KRCC1: variants seen among roughly 807,000 people sequenced by gnomAD.
The protein encoded by KRCC1 is lysine-rich coiled-coil protein 1.
KRCC1 carries 3 observed loss-of-function variants against 7.4 expected under a neutral mutation model. That is an observed-to-expected ratio of 0.40 (90% CI 0.18 to 1.04). The LOEUF is 1.04. KRCC1 is among the 50% of genes least tolerant of loss of function. The pLI is 0.33. For synonymous variants in KRCC1, 102 were observed against 101.6 expected, an observed-to-expected ratio of 1.00 and a Z score of -0.02; for missense variants, 277 against 300.9, an observed-to-expected ratio of 0.92 and a Z score of 0.59.
intron 1 of KRCC1, among the ~76,000 whole-genome samples, chr2:88,046,325 A>G (rs1261284252): frequency 6.6e-6 from 1 of 152,240 alleles, no homozygotes. Context: ...AAATAGAGAC[A>G]TAACATATAC....
chr2:88,029,298 A>G (rs1036120431), intron 3 of KRCC1, among the ~76,000 whole-genome samples: 2 of 152,216 alleles, frequency 1.3e-5, no homozygotes, highest in African/African-American at 4.8e-5. Context: ...AGAGAAGTAA[A>G]GGAACCACAG....
chr2:88,050,922 T>A (rs1055625400), intron 1 of KRCC1, among the ~76,000 whole-genome samples: 3 of 104,872 alleles, frequency 2.9e-5, no homozygotes, highest in African/African-American at 1.0e-4. Flanking sequence ...CTTCCTTACT[T>A]GCTTTTTTTT....
intron 1 of KRCC1, among the ~76,000 whole-genome samples, chr2:88,046,800 A>T (rs1673344739): frequency 1.3e-5 from 2 of 151,754 alleles, no homozygotes; most frequent in Admixed American, 1.3e-4. Context: ...CCTCCCCAGT[A>T]GCTGGGACTA....
chr2:88,050,864 GTGAT>G (rs1213366923), intron 1 of KRCC1, among the ~76,000 whole-genome samples: 7 of 150,074 alleles, frequency 4.7e-5, no homozygotes, highest in African/African-American at 1.7e-4. Context: ...TTGGATTTTT[GTGAT>G]TAATTTTTTC....
intron 1 of KRCC1, among the ~76,000 whole-genome samples, chr2:88,052,773 TTG>T (rs1482633281): frequency 6.6e-6 from 1 of 152,254 alleles, no homozygotes; most frequent in African/African-American, 2.4e-5. Context: ...TACATGCATG[TTG>T]TGACTGTTAG....
chr2:88,028,762 T>C (rs1431963539), intron 3 of KRCC1, among the ~76,000 whole-genome samples, 177 bp from the exon 4 acceptor site: 1 of 150,266 alleles, frequency 6.7e-6, no homozygotes, highest in African/African-American at 2.4e-5. Flanking sequence ...GTGATTCTCC[T>C]GCCTCAGCCT....
At chr2:88,055,543 C>G (rs1673602940) in intron 1 of KRCC1, 83 bp downstream of exon 1, 2 of 152,042 alleles carry the variant, frequency 1.3e-5, no homozygotes, top group South Asian at 2.1e-4. Flanking sequence ...GCCCGGCGGG[C>G]TGGGCGCGCG....
intron 1 of KRCC1, among the ~76,000 whole-genome samples, chr2:88,055,368 C>T (rs1466608209): frequency 2.6e-5 from 4 of 152,114 alleles, no homozygotes; most frequent in Non-Finnish European, 2.9e-5. Flanking sequence ...CTCTTGGTCG[C>T]CCCTAGTTTC....
chr2:88,044,039 A>T (rs888531711), intron 1 of KRCC1, among the ~76,000 whole-genome samples: 2 of 152,298 alleles, frequency 1.3e-5, no homozygotes, highest in Non-Finnish European at 2.9e-5. Context: ...TCTATATCTT[A>T]TAGAAGAGGA....
chr2:88,028,610 AC>A, intron 3 of KRCC1, 25 bp from the exon 4 acceptor site: 3 of 1,304,072 alleles, frequency 2.3e-6, no homozygotes, highest in African/African-American at 1.5e-5. Flanking sequence ...GAAAATTCTT[AC>A]CAGATCATCT....
chr2:88,027,676 G>GTTAAAGAAC lies in KRCC1; in HGVS notation c.*99_*107dup. 2.1e-6 allele frequency: 2 copies of GTTAAAGAAC among 943,034 alleles called. No individual in the cohort carries two copies. The highest frequency in any genetic ancestry group is 3.1e-6 in the Non-Finnish European group (2 of 635,838). 58.4% of individuals were successfully genotyped at this position (943,034 alleles called of 1,614,324 possible). ...TTTGTTTACTAGGCCTTTGTTAGAA[G>GTTAAAGAAC]TTAAAGAACCTATTCACATAAGAAA... On this transcript the variant is annotated 3_prime_UTR_variant, in exon 4 of 4. Coordinates refer to ENST00000347055, the MANE Select transcript of KRCC1 (RefSeq NM_016618.3).
At chr2:88,039,429 G>C (rs902396023) in intron 1 of KRCC1, among the ~76,000 whole-genome samples, 1 of 152,188 alleles carries the variant, frequency 6.6e-6, no homozygotes, top group Non-Finnish European at 1.5e-5. Flanking sequence ...GCTCATGCCT[G>C]TAATCCCAGC....
At chr2:88,046,212 AGTGAAACAG>A (rs1241897531) in intron 1 of KRCC1, among the ~76,000 whole-genome samples, 1 of 152,218 alleles carries the variant, frequency 6.6e-6, no homozygotes, top group Admixed American at 6.5e-5. Context: ...TGCTCCTTTG[AGTGAAACAG>A]ATATAGGAAG....
intron 3 of KRCC1, 119 bp from the exon 4 acceptor site, chr2:88,028,704 C>T: frequency 1.6e-6 from 1 of 637,984 alleles, no homozygotes; most frequent in South Asian, 2.1e-5. Context: ...GACTAGAGTG[C>T]AGTGGGGTTG....
In KRCC1 at chr2:88,027,455, C is replaced by G. The variant is rs2104598753; in HGVS notation, c.*329G>C. The G allele has an allele frequency of 4.7e-6, 1 of 213,366 alleles. No individual in the cohort carries two copies. The highest frequency in any genetic ancestry group is 1.1e-4 in the East Asian group (1 of 8,802). 13.2% of individuals were successfully genotyped at this position (213,366 alleles called of 1,614,324 possible). A position where few individuals can be genotyped will look rare whatever the true frequency, so the allele number is the denominator to read the frequency against. On this transcript the variant is annotated 3_prime_UTR_variant, in exon 4 of 4. Transcript: ENST00000347055. ...AAACCCAATCAAGAAACAGATTGTG[C>G]AAAGGTCATTAATCCTCCAATTTAA... is the stretch of plus-strand genomic sequence containing the variant.
At chr2:88,030,068 C>T (rs1455668065) in intron 3 of KRCC1, among the ~76,000 whole-genome samples, 2 of 150,446 alleles carry the variant, frequency 1.3e-5, no homozygotes, top group Non-Finnish European at 3.0e-5. Flanking sequence ...GGCTGGTCTC[C>T]AACTCCTGAC....
At chr2:88,031,871 G>T (rs1672998851) in intron 3 of KRCC1, among the ~76,000 whole-genome samples, 1 of 151,914 alleles carries the variant, frequency 6.6e-6, no homozygotes, top group Admixed American at 6.6e-5. Context: ...GGCTGGGTGT[G>T]GTGCCTCATG....
At chr2:88,031,212 C>G (rs1016579636) in intron 3 of KRCC1, among the ~76,000 whole-genome samples, 2 of 152,094 alleles carry the variant, frequency 1.3e-5, no homozygotes, top group Non-Finnish European at 2.9e-5. Flanking sequence ...TGAAGACCCC[C>G]CAGTGGGACA....
intron 1 of KRCC1, among the ~76,000 whole-genome samples, chr2:88,042,270 C>T (rs551568945): frequency 1.3e-5 from 2 of 152,056 alleles, no homozygotes; most frequent in Non-Finnish European, 2.9e-5. Flanking sequence ...CTGTGTTAGC[C>T]AAGATGGTCT....
Sources: gnomAD v4.1 joint callset for allele counts (sites outside exome capture counted in the v4.1 genomes callset) on GRCh38, gnomAD v4.1.1 for gene constraint, MANE v1.5 for transcripts, NCBI Gene and HGNC (gene_info 2026-07-23, HGNC 2026-07-21) for gene names.